NOD1: variants seen among roughly 807,000 people sequenced by gnomAD.
NOD1 encodes the protein nucleotide binding oligomerization domain containing 1, also known as nucleotide-binding oligomerization domain-containing protein 1.
A neutral mutation model predicts 81.2 loss-of-function variants in NOD1; 70 were observed. The ratio of observed to expected loss-of-function variants is 0.86; its 90% CI spans 0.71 to 1.05. NOD1 has a LOEUF of 1.05. NOD1 is among the 50% of genes least tolerant of loss of function. The probability of loss-of-function intolerance (pLI) is 0.00; values close to 1 mark genes in which losing one functional copy is unlikely to be tolerated. For synonymous variants in NOD1, 508 were observed against 526.9 expected (o/e 0.96, Z 0.49); for missense variants, 1,233 against 1,228.0 (o/e 1.00, Z -0.06).
In NOD1 at chr7:30,451,861, G is replaced by A. The variant is rs774064031; in HGVS notation, c.1556C>T (p.Thr519Ile). The A allele has an allele frequency of 2.5e-6, 4 of 1,613,690 alleles. No individual in the cohort carries two copies. The highest frequency in any genetic ancestry group is 3.4e-6 in the Non-Finnish European group (4 of 1,180,032). The change falls in exon 6 of 14, where the codon ACC becomes ATC. Residue 519 changes from threonine to isoleucine, a missense_variant. By Grantham distance (89) the Thr-to-Ile change is moderately conservative (BLOSUM62 -1). Transcript: ENST00000222823. This position sits in a 1 kb window ranked among gnomAD's most constrained non-coding sequence, Gnocchi z 4.2. ...DQQSYEFFHL[T>I]LQAFFTAFFL... ...GAAGGCTGTAAAGAAGGCCTGGAGG[G>A]TGAGGTGGAAAAACTCATAGGACTG...
intron 7 of NOD1, 39 bp from the exon 8 acceptor site, chr7:30,447,089 T>C (rs769533144): frequency 6.2e-7 from 1 of 1,613,220 alleles, no homozygotes; most frequent in Non-Finnish European, 8.5e-7. Context: ...TTCTGGCTCC[T>C]GATGTCATTT....
At position 30,456,959 on chromosome 7, in the gene NOD1, C is replaced by A. The variant is rs201159934; in HGVS notation, c.-38G>T. Reference sequence around the variant, plus strand: ...AAGCGGCTACTTTTCCCAAATTCATCTTCAGCTGCGTGTGTCCTCTCAGCA... The same window carrying A: ...AAGCGGCTACTTTTCCCAAATTCATATTCAGCTGCGTGTGTCCTCTCAGCA... On this transcript the variant is annotated 5_prime_UTR_variant, in exon 4 of 14. Transcript: ENST00000222823. 4 of 1,575,020 alleles carry A rather than the reference C, an allele frequency of 2.5e-6. No homozygotes were observed. In the Admixed American group the frequency reaches 5.0e-5, roughly 20 times the overall value.
In NOD1 at chr7:30,451,340, T is replaced by C. The variant is rs1393748157; in HGVS notation, c.2077A>G (p.Ser693Gly). ...TGATGCAGGACGAAGGAGAGGGCGC[T>C]GCAGTCGGCCGAGCAGGCGTTGCAG... Reference protein sequence around the residue: ...TYCNACSADCSALSFVLHHFP... With the variant: ...TYCNACSADCGALSFVLHHFP... The change falls in exon 6 of 14, where the codon AGC becomes GGC. Residue 693 changes from serine (S) to glycine (G), a missense_variant. By Grantham distance (56) the Ser-to-Gly change is moderately conservative. Coordinates refer to ENST00000222823, the MANE Select transcript of NOD1 (RefSeq NM_006092.4). This position sits in a 1 kb window ranked among gnomAD's most constrained non-coding sequence, Gnocchi z 4.2. 6 of 1,614,208 alleles carry C rather than the reference T, an allele frequency of 3.7e-6. No homozygotes were observed. The highest frequency in any genetic ancestry group is 1.6e-4 in the Middle Eastern group (1 of 6,062).
At chr7:30,435,335 G>A (rs539531842) in intron 11 of NOD1, among the ~76,000 whole-genome samples, 30 of 152,228 alleles carry the variant, frequency 2.0e-4, no homozygotes, top group African/African-American at 7.0e-4. Context: ...AGATGAAGAG[G>A]AGGAAGGGAG....
intron 10 of NOD1, 93 bp from the exon 11 acceptor site, chr7:30,436,174 G>T: frequency 2.0e-6 from 2 of 1,025,036 alleles, no homozygotes; most frequent in South Asian, 1.4e-5. Context: ...CCTCTGCCTG[G>T]CTGTGGCCCC....
intron 9 of NOD1, among the ~76,000 whole-genome samples, chr7:30,440,001 C>T (rs1240819389): frequency 3.2e-5 from 1 of 31,150 alleles, no homozygotes; most frequent in Non-Finnish European, 6.7e-5. Flanking sequence ...GGCACACTGA[C>T]ACCTCACACG....
chr7:30,465,326 G>A (rs973390256), intron 1 of NOD1, among the ~76,000 whole-genome samples: 2 of 152,098 alleles, frequency 1.3e-5, no homozygotes, highest in African/African-American at 2.4e-5. Context: ...CACCAGCCAC[G>A]GCTTCCCTTA....
At chr7:30,425,966 G>GGTCTT (rs1266590571) in intron 13 of NOD1, among the ~76,000 whole-genome samples, 1 of 152,042 alleles carries the variant, frequency 6.6e-6, no homozygotes. Context: ...ACATTTTCCA[G>GGTCTT]GTCTTGTCTT....
At position 30,451,947 on chromosome 7, in the gene NOD1, C is replaced by G; in HGVS notation, c.1470G>C (p.Glu490Asp). ...QEEVQASGLQ[E>D]RDMQLGFLRA... ...GCAGGAAGCCCAGCTGCATGTCTCT[C>G]TCCTGCAGCCCGGAGGCCTGCACCT... Residue 490 changes from glutamate to aspartate, a missense_variant, in exon 6 of 14, where the codon GAG becomes GAC. Coordinates refer to ENST00000222823, the MANE Select transcript of NOD1 (RefSeq NM_006092.4). The surrounding 1 kb of genome is among the most constrained non-coding windows in gnomAD (Gnocchi z 4.2). 2 of 1,613,580 alleles carry G rather than the reference C, an allele frequency of 1.2e-6. No individual in the cohort carries two copies. Among genetic ancestry groups the G allele is most frequent in the Non-Finnish European group, 1.7e-6 (2 of 1,180,012 alleles).
At chr7:30,471,646 C>T (rs938131655) in intron 1 of NOD1, among the ~76,000 whole-genome samples, 10 of 152,362 alleles carry the variant, frequency 6.6e-5, no homozygotes, top group Admixed American at 2.0e-4. Flanking sequence ...AACAGCTAGG[C>T]GGAGCAGAAC....
chr7:30,457,511 T>C (rs1282108090), intron 3 of NOD1, among the ~76,000 whole-genome samples: 4 of 152,232 alleles, frequency 2.6e-5, no homozygotes, highest in Non-Finnish European at 4.4e-5. Flanking sequence ...TTGTTTGCAC[T>C]TGAGGGTTAC....
chr7:30,453,383 C>G (rs1434635971), intron 5 of NOD1, among the ~76,000 whole-genome samples: 7 of 152,180 alleles, frequency 4.6e-5, no homozygotes, highest in African/African-American at 1.4e-4. Flanking sequence ...GCCCCTCGCA[C>G]TCGAGGGCCA....
rs1260109910 is a variant in NOD1, at chr7:30,424,634, G to A, written c.*1004C>T. 6.9e-6 allele frequency: 1 copy of A among 144,610 alleles called. No homozygotes were observed. Among genetic ancestry groups the A allele is most frequent in the Non-Finnish European group, 1.5e-5 (1 of 68,026 alleles). The allele number at this position is 144,610 out of a possible 1,614,324, so 9.0% of individuals were successfully genotyped here. ...GCAGCCACCACAAGCCCACCATGGT[G>A]GGGGGTGTCCAACATGCTCTGCTGG... On this transcript the variant is annotated 3_prime_UTR_variant, in exon 14 of 14. Coordinates refer to ENST00000222823, the MANE Select transcript of NOD1 (RefSeq NM_006092.4).
intron 7 of NOD1, 93 bp downstream of exon 7, chr7:30,448,205 T>C (rs547297079): frequency 1.0e-5 from 11 of 1,065,610 alleles, no homozygotes; most frequent in Admixed American, 3.4e-5. Context: ...GGGCCATCCG[T>C]GCCGATCATC....
In NOD1 at chr7:30,478,771, C is replaced by G. The variant is rs944274686; in HGVS notation, c.-517G>C. On this transcript the variant is annotated 5_prime_UTR_variant, in exon 1 of 14. Coordinates refer to ENST00000222823, the MANE Select transcript of NOD1 (RefSeq NM_006092.4). This position sits in a 1 kb window ranked among gnomAD's most constrained non-coding sequence, Gnocchi z 4.1. ...GGACCGGGGCGGCTGCCTCGCGGGCCCGGAACGGGAACTGGCTGCGACTAC... is the reference window on the plus strand; with the variant it reads ...GGACCGGGGCGGCTGCCTCGCGGGCGCGGAACGGGAACTGGCTGCGACTAC... 6.6e-6 allele frequency: 1 copy of G among 152,210 alleles called. No homozygotes were observed. The highest frequency in any genetic ancestry group is 2.4e-5 in the African/African-American group (1 of 41,448). 9.4% of individuals were successfully genotyped at this position (152,210 alleles called of 1,614,324 possible). A position where few individuals can be genotyped will look rare whatever the true frequency, so the allele number is the denominator to read the frequency against.
In NOD1 at chr7:30,448,316, T is replaced by G; in HGVS notation, c.2267A>C (p.Lys756Thr). ...GACATACCCCAAATAGGTCACAATT[T>G]TGTATTTGGTCAGCTCTTCGCTTAG... ...KVLSEELTKY[K>T]IVTYLGLYNN... Residue 756 changes from lysine (K) to threonine (T), a missense_variant, in exon 7 of 14, where the codon AAA becomes ACA. By Grantham distance (78) the Lys-to-Thr change is moderately conservative. Transcript: ENST00000222823. 6.2e-7 allele frequency: 1 copy of G among 1,613,890 alleles called. No individual in the cohort carries two copies. Among genetic ancestry groups the G allele is most frequent in the Admixed American group, 1.7e-5 (1 of 60,018 alleles).
At chr7:30,477,212 T>G (rs977984506) in intron 1 of NOD1, among the ~76,000 whole-genome samples, 2 of 152,222 alleles carry the variant, frequency 1.3e-5, no homozygotes, top group Admixed American at 6.5e-5. Context: ...CTTACAATAT[T>G]TGAAAGAGCC....
chr7:30,439,286 C>G (rs1784662695), intron 9 of NOD1, among the ~76,000 whole-genome samples: 1 of 141,236 alleles, frequency 7.1e-6, no homozygotes, highest in Non-Finnish European at 1.5e-5. Flanking sequence ...CTCCGGTCTA[C>G]AGCTCCCAGC....
At chr7:30,431,449 T>C (rs145096270) in intron 12 of NOD1, among the ~76,000 whole-genome samples, 338 of 152,308 alleles carry the variant, frequency 2.2e-3, no homozygotes, top group African/African-American at 7.5e-3. Flanking sequence ...AGGAGAGACA[T>C]ATAAATCAAT....
Sources: allele counts gnomAD v4.1 joint callset (sites outside exome capture counted in the v4.1 genomes callset), GRCh38; gene constraint gnomAD v4.1.1; non-coding constraint Gnocchi (gnomAD v3.1); transcripts MANE v1.5; gene names NCBI Gene and HGNC (gene_info 2026-07-23, HGNC 2026-07-21).